ATP8B4: variants seen among roughly 807,000 people sequenced by gnomAD.
ATP8B4 encodes the protein ATPase phospholipid transporting 8B4 (putative).
Under a neutral mutation model 145.6 loss-of-function variants are expected in ATP8B4, and 133 were observed. That is an observed-to-expected ratio of 0.91 (90% CI 0.79 to 1.05). The LOEUF (loss-of-function observed/expected upper bound fraction) is 1.05. ATP8B4 is among the 50% of genes least tolerant of loss of function. The pLI is 0.00. For missense variants in ATP8B4, 1,458 were observed against 1,425.2 expected (o/e 1.02, Z -0.37); for synonymous variants, 507 against 492.9 (o/e 1.03, Z -0.38).
At chr15:49,914,983 C>G (rs2039589342) in intron 20 of ATP8B4, among the ~76,000 whole-genome samples, 1 of 152,014 alleles carries the variant, frequency 6.6e-6, no homozygotes. Flanking sequence ...AATGAAATTA[C>G]TATATCAAAG....
intron 13 of ATP8B4, among the ~76,000 whole-genome samples, chr15:49,966,559 C>T (rs1449074509): frequency 6.6e-6 from 1 of 152,206 alleles, no homozygotes; most frequent in Non-Finnish European, 1.5e-5. Context: ...AGCCAGACTG[C>T]CTTTCTAGAT....
At chr15:50,009,577 C>T (rs1434580421) in intron 7 of ATP8B4, 2 of 397,908 alleles carry the variant, frequency 5.0e-6, no homozygotes, top group Admixed American at 3.2e-5. Flanking sequence ...CTCCCAGTTC[C>T]CCATCTAGTG....
chr15:50,120,450 CAT>C (rs1253521159), upstream of ATP8B4, among the ~76,000 whole-genome samples: 2 of 152,126 alleles, frequency 1.3e-5, no homozygotes, highest in Non-Finnish European at 2.9e-5. Context: ...TTAAACCTAT[CAT>C]ATGGGGCAAA....
intron 19 of ATP8B4, among the ~76,000 whole-genome samples, chr15:49,917,490 T>C (rs892633910): frequency 7.3e-5 from 11 of 151,340 alleles, no homozygotes; most frequent in Non-Finnish European, 1.5e-4. Context: ...TTCAGTTGAA[T>C]GACAAAAAAA....
intron 13 of ATP8B4, among the ~76,000 whole-genome samples, chr15:49,971,639 T>C (rs979267647): frequency 6.6e-6 from 1 of 152,112 alleles, no homozygotes. Flanking sequence ...CTGGAGAGGA[T>C]GTAGAGAAAT....
In ATP8B4 at chr15:50,041,520, C is replaced by G. The variant is rs114122125; in HGVS notation, c.301-2691G>C. 5.0e-3 allele frequency among the ~76,000 whole-genome samples: 759 copies of G among 152,290 alleles called. 9 individuals carry two copies. The highest frequency in any genetic ancestry group is 0.018 in the African/African-American group (737 of 41,544). ...GTACACTGACCTTCAGAAGACAATT[C>G]TATAAGAAGAGACCCCAAAGTACCT... On this transcript the variant is annotated intron_variant, in intron 5 of 27. Transcript: ENST00000284509.
chr15:50,085,019 T>C (rs923420808), intron 2 of ATP8B4, among the ~76,000 whole-genome samples: 1 of 152,192 alleles, frequency 6.6e-6, no homozygotes, highest in Non-Finnish European at 1.5e-5. Context: ...TTATTTTGCC[T>C]ACCGCAAGTC....
intron 6 of ATP8B4, among the ~76,000 whole-genome samples, chr15:50,028,957 G>T (rs75329076): frequency 6.6e-6 from 1 of 151,962 alleles, no homozygotes; most frequent in Non-Finnish European, 1.5e-5. Context: ...AACTTTGGCC[G>T]GGCGCAGTGG....
intron 16 of ATP8B4, 134 bp downstream of exon 16, chr15:49,930,985 A>G (rs2041199300): frequency 1.1e-6 from 1 of 946,198 alleles, no homozygotes; most frequent in Admixed American, 2.7e-5. Context: ...TAGGTTGAGC[A>G]ACACAAGAGT....
chr15:50,035,071 A>G (rs1470095758), intron 6 of ATP8B4, among the ~76,000 whole-genome samples: 3 of 152,220 alleles, frequency 2.0e-5, no homozygotes, highest in Non-Finnish European at 4.4e-5. Flanking sequence ...TACAACACCC[A>G]TTTCTTAAGC....
intron 2 of ATP8B4, among the ~76,000 whole-genome samples, chr15:50,088,312 C>T (rs753199110): frequency 7.9e-5 from 12 of 151,838 alleles, no homozygotes; most frequent in Non-Finnish European, 1.8e-4. Flanking sequence ...CGTCTCTGCA[C>T]TCCAGCTTGG....
At chr15:49,933,881 C>A in intron 15 of ATP8B4, 136 bp downstream of exon 15, 1 of 876,970 alleles carries the variant, frequency 1.1e-6, no homozygotes, top group East Asian at 3.0e-5. Context: ...ACATCAGTTT[C>A]TGTGTTAAAA....
At chr15:49,931,985 T>C (rs1158518050) in intron 15 of ATP8B4, among the ~76,000 whole-genome samples, 1 of 151,642 alleles carries the variant, frequency 6.6e-6, no homozygotes, top group Non-Finnish European at 1.5e-5. Flanking sequence ...TATATGTATA[T>C]ATACATATAG....
intron 7 of ATP8B4, among the ~76,000 whole-genome samples, chr15:50,006,355 A>T (rs2048300444): frequency 1.3e-5 from 2 of 151,874 alleles, no homozygotes. Context: ...TGACAAATAG[A>T]TATATATCAG....
chr15:50,117,449 G>A (rs953400927), intron 1 of ATP8B4, among the ~76,000 whole-genome samples: 1 of 151,980 alleles, frequency 6.6e-6, no homozygotes, highest in Non-Finnish European at 1.5e-5. Flanking sequence ...TATTCAATAT[G>A]CCACATATGA....
chr15:50,039,336 T>C (rs1243698309), intron 5 of ATP8B4, among the ~76,000 whole-genome samples: 8 of 152,248 alleles, frequency 5.3e-5, no homozygotes, highest in Admixed American at 4.6e-4. Flanking sequence ...GTACTGAGCA[T>C]TTAAAGCAAA....
intron 1 of ATP8B4, among the ~76,000 whole-genome samples, chr15:50,155,355 A>G (rs2044397114): frequency 6.6e-6 from 1 of 152,166 alleles, no homozygotes; most frequent in South Asian, 2.1e-4. Flanking sequence ...TTATATGTTT[A>G]TAGCTTATAT....
At chr15:50,009,911 T>C (rs1488237129) in intron 7 of ATP8B4, among the ~76,000 whole-genome samples, 1 of 152,186 alleles carries the variant, frequency 6.6e-6, no homozygotes, top group Non-Finnish European at 1.5e-5. Context: ...TGAACTCTTT[T>C]GTGAATGGCC....
intron 3 of ATP8B4, among the ~76,000 whole-genome samples, chr15:50,048,663 G>T (rs1460376928): frequency 6.7e-6 from 1 of 150,118 alleles, no homozygotes; most frequent in East Asian, 2.0e-4. Flanking sequence ...AGCCGGAATT[G>T]CACCACTGCA....
Sources: allele counts gnomAD v4.1 joint callset (sites outside exome capture counted in the v4.1 genomes callset), GRCh38; gene constraint gnomAD v4.1.1; transcripts MANE v1.5; gene names NCBI Gene and HGNC (gene_info 2026-07-23, HGNC 2026-07-21).